TENM2: variants seen among roughly 807,000 people sequenced by gnomAD.
The protein encoded by TENM2 is teneurin transmembrane protein 2.
In TENM2, 52 loss-of-function variants were observed where a neutral mutation model predicts 245.2. The ratio of observed to expected loss-of-function variants is 0.21; its 90% confidence interval spans 0.17 to 0.27. The LOEUF (loss-of-function observed/expected upper bound fraction) is 0.27, where lower values mean the gene tolerates loss of function less well. Among genes scored for constraint, TENM2 ranks in the 10% least tolerant of loss-of-function variants. TENM2 has a pLI of 1.00. For missense variants in TENM2, 3,046 were observed against 3,666.8 expected, an observed-to-expected ratio of 0.83 and a Z score of 4.37; for synonymous variants, 1,363 against 1,438.9, an observed-to-expected ratio of 0.95 and a Z score of 1.19.
At chr5:167,171,421 G>A in the TENM2 span, among the ~76,000 whole-genome samples, 1 of 152,138 alleles carries the variant, frequency 6.6e-6, no homozygotes, top group Non-Finnish European at 1.5e-5. Flanking sequence ...TCAGGCAGGG[G>A]CCCAACGGGA....
chr5:167,890,753 C>G (rs1233952178), intron 3 of TENM2, among the ~76,000 whole-genome samples: 1 of 152,078 alleles, frequency 6.6e-6, no homozygotes, highest in Non-Finnish European at 1.5e-5. Flanking sequence ...TATCTTCAAT[C>G]TCAGTTATCT....
intron 2 of TENM2, among the ~76,000 whole-genome samples, chr5:167,495,127 G>C (rs980253656): frequency 1.3e-5 from 2 of 151,942 alleles, no homozygotes; most frequent in African/African-American, 4.8e-5. Context: ...TGCCACCATC[G>C]GTTTTGTAAC....
At chr5:167,609,519 C>CAAAAAAAAAAT (rs1171421408) in intron 2 of TENM2, among the ~76,000 whole-genome samples, 27 of 128,976 alleles carry the variant, frequency 2.1e-4, no homozygotes, top group East Asian at 8.1e-4. Context: ...AAAACAAAAC[C>CAAAAAAAAAAT]TTACCTAGAA....
chr5:167,917,066 G>A (rs1038874834), intron 3 of TENM2, among the ~76,000 whole-genome samples: 14 of 152,198 alleles, frequency 9.2e-5, no homozygotes, highest in African/African-American at 3.1e-4. Context: ...AAAGGCCTTT[G>A]TTTGATACTG....
At chr5:167,454,120 A>G (rs1765765457) in intron 2 of TENM2, among the ~76,000 whole-genome samples, 1 of 152,164 alleles carries the variant, frequency 6.6e-6, no homozygotes, top group Non-Finnish European at 1.5e-5. Context: ...GAGATCACCA[A>G]GAAAGGTATA....
chr5:167,512,871 G>A (rs946713738), intron 2 of TENM2, among the ~76,000 whole-genome samples: 1 of 152,102 alleles, frequency 6.6e-6, no homozygotes, highest in African/African-American at 2.4e-5. Flanking sequence ...AGTTGCAGTA[G>A]CGTTTCTTTC....
intron 2 of TENM2, among the ~76,000 whole-genome samples, chr5:167,743,781 A>G (rs1582892377): frequency 6.6e-6 from 1 of 152,190 alleles, no homozygotes; most frequent in Non-Finnish European, 1.5e-5. Flanking sequence ...CTTTGCTATT[A>G]AAAAGAAAAA....
chr5:167,804,713 A>G (rs997173669), intron 2 of TENM2, among the ~76,000 whole-genome samples: 1 of 152,140 alleles, frequency 6.6e-6, no homozygotes, highest in Non-Finnish European at 1.5e-5. Context: ...TACTTTCAAG[A>G]GCACACTTTA....
At chr5:167,072,916 T>C in the TENM2 span, among the ~76,000 whole-genome samples, 1 of 152,232 alleles carries the variant, frequency 6.6e-6, no homozygotes, top group East Asian at 1.9e-4. Flanking sequence ...TCTCTCACTC[T>C]AATACTGTGT....
At chr5:167,545,603 C>T (rs1772509400) in intron 2 of TENM2, among the ~76,000 whole-genome samples, 3 of 152,090 alleles carry the variant, frequency 2.0e-5, no homozygotes, top group Admixed American at 6.5e-5. Context: ...ACATCAAATA[C>T]AATAAAAAAG....
At chr5:167,628,724 C>T (rs1248348737) in intron 2 of TENM2, among the ~76,000 whole-genome samples, 1 of 152,154 alleles carries the variant, frequency 6.6e-6, no homozygotes, top group Admixed American at 6.5e-5. Context: ...GACAAATAAC[C>T]TCTCTGTCTT....
rs374626499 is a variant in TENM2 at position 168,215,561 on chromosome 5, C to G, written c.4078+289C>G. On this transcript the variant is annotated intron_variant, in intron 21 of 28. Transcript: ENST00000518659. ...GTGGGCGCCTGTAGTCCCAGCTACTCAGGAGGCTGAGGCAGGAGAATGGCG... is the reference window on the plus strand; with the variant it reads ...GTGGGCGCCTGTAGTCCCAGCTACTGAGGAGGCTGAGGCAGGAGAATGGCG... Among the ~76,000 whole-genome samples, 12 of 152,260 alleles carry G rather than the reference C, an allele frequency of 7.9e-5. No individual in the cohort carries two copies. In the East Asian group the frequency reaches 1.7e-3, roughly 22 times the overall value.
chr5:167,778,666 T>C (rs17069188), intron 2 of TENM2, among the ~76,000 whole-genome samples: 23,167 of 152,080 alleles, frequency 0.15, 2,544 homozygotes, highest in African/African-American at 0.3. Flanking sequence ...ATAAGCACAA[T>C]AGTATATAGT....
Position 168,199,754 on chromosome 5 carries a change from A to G in TENM2, c.3163-110A>G, listed in dbSNP as rs961250180. ...GGTGGTAAGTGGTTCTTGCACCCAC[A>G]TAAGATGTGATGCCTCAGTGAGGGA... On this transcript the variant is annotated intron_variant, in intron 16 of 28. Coordinates refer to ENST00000518659, the Ensembl canonical transcript of TENM2. The G allele has an allele frequency of 1.0e-5, 12 of 1,204,768 alleles. No homozygotes were observed. In the East Asian group the frequency reaches 1.2e-4, roughly 12 times the overall value. The allele number at this position is 1,204,768 out of a possible 1,614,324, so 74.6% of individuals were successfully genotyped here.
At chr5:167,673,249 T>C (rs917215759) in intron 2 of TENM2, among the ~76,000 whole-genome samples, 1 of 152,210 alleles carries the variant, frequency 6.6e-6, no homozygotes, top group Admixed American at 6.6e-5. Flanking sequence ...TGCTGTGTAT[T>C]GTTCAGTATT....
chr5:168,070,817 GAGAA>G lies in TENM2; in HGVS notation c.1515+8554_1515+8557del, dbSNP rs1261163825. ...AAAGAGAGAGAGAGAGAGAGAGAGAGAGAAAAAAAGAAAGAAGAAAAAGAAAAAG... is the reference window on the plus strand; with the variant it reads ...AAAGAGAGAGAGAGAGAGAGAGAGAGAAAAAGAAAGAAGAAAAAGAAAAAG... On this transcript the variant is annotated intron_variant, in intron 7 of 28. Transcript: ENST00000518659. 3.2e-3 allele frequency among the ~76,000 whole-genome samples: 330 copies of G among 104,338 alleles called. 3 individuals carry two copies. The highest frequency in any genetic ancestry group is 5.2e-3 in the African/African-American group (148 of 28,722). 68.4% of individuals were successfully genotyped at this position (104,338 alleles called of 152,430 possible).
At chr5:167,322,433 A>T (rs1455492157) in intron 1 of TENM2, among the ~76,000 whole-genome samples, 1 of 152,070 alleles carries the variant, frequency 6.6e-6, no homozygotes, top group Non-Finnish European at 1.5e-5. Context: ...ATTCTAATAT[A>T]TCACATTCAA....
At chr5:167,308,016 A>T (rs2127748022) in intron 1 of TENM2, 1 of 152,530 alleles carries the variant, frequency 6.6e-6, no homozygotes, top group African/African-American at 2.4e-5. Context: ...ATCCTTGCCT[A>T]GACCTCTTCA....
At chr5:168,056,451 A>G (rs1347103920) in intron 6 of TENM2, among the ~76,000 whole-genome samples, 3 of 152,340 alleles carry the variant, frequency 2.0e-5, no homozygotes, top group East Asian at 1.9e-4. Flanking sequence ...AATAAGGCCT[A>G]TAGATTACAG....
Sources: gnomAD v4.1 joint callset for allele counts (sites outside exome capture counted in the v4.1 genomes callset) on GRCh38, gnomAD v4.1.1 for gene constraint, MANE v1.5 for transcripts, NCBI Gene and HGNC (gene_info 2026-07-23, HGNC 2026-07-21) for gene names.